PARD3: variants seen among roughly 807,000 people sequenced by gnomAD.
The protein encoded by PARD3 is par-3 family cell polarity regulator, also known as partitioning defective 3 homolog.
Under a neutral mutation model 155.4 loss-of-function variants are expected in PARD3, and 75 were observed. The observed-to-expected ratio is 0.48, with a 90% CI of 0.40 to 0.58. The LOEUF (loss-of-function observed/expected upper bound fraction) is 0.58. Among genes scored for constraint, PARD3 ranks in the 20% least tolerant of loss-of-function variants. The pLI, the probability that PARD3 is intolerant of heterozygous loss-of-function variation, is 0.00. For missense variants in PARD3, 1,642 were observed against 1,721.7 expected, an observed-to-expected ratio of 0.95 and a Z score of 0.82; for synonymous variants, 576 against 610.5, an observed-to-expected ratio of 0.94 and a Z score of 0.83.
At chr10:34,742,046 T>C (rs937072512) in intron 1 of PARD3, among the ~76,000 whole-genome samples, 1 of 152,178 alleles carries the variant, frequency 6.6e-6, no homozygotes, top group African/African-American at 2.4e-5. Context: ...CCTATTTAGT[T>C]TTCAAGGTGT....
At chr10:34,759,738 G>A (rs955270258) in intron 1 of PARD3, among the ~76,000 whole-genome samples, 4 of 152,104 alleles carry the variant, frequency 2.6e-5, no homozygotes, top group Admixed American at 6.6e-5. Flanking sequence ...TGTGTGCTGC[G>A]GTAAAAATAC....
chr10:34,565,393 G>A (rs1026961175), intron 2 of PARD3, among the ~76,000 whole-genome samples: 93 of 147,618 alleles, frequency 6.3e-4, no homozygotes, highest in African/African-American at 2.2e-3. Context: ...TTGGCCTCTC[G>A]AGTAGCTGGG....
chr10:34,754,514 C>T (rs1836467535), intron 1 of PARD3, among the ~76,000 whole-genome samples: 1 of 152,240 alleles, frequency 6.6e-6, no homozygotes, highest in Admixed American at 6.5e-5. Flanking sequence ...TACACACCCA[C>T]ATGGCTACAC....
chr10:34,467,232 T>C (rs899943477), intron 4 of PARD3, among the ~76,000 whole-genome samples: 1 of 151,996 alleles, frequency 6.6e-6, no homozygotes, highest in African/African-American at 2.4e-5. Flanking sequence ...CATTAAAATA[T>C]TGATAATAAA....
chr10:34,391,263 G>C (rs1439249549), intron 7 of PARD3, among the ~76,000 whole-genome samples: 2 of 150,740 alleles, frequency 1.3e-5, no homozygotes, highest in Non-Finnish European at 2.9e-5. Flanking sequence ...AATGCTAACT[G>C]TCCATATTCA....
intron 22 of PARD3, among the ~76,000 whole-genome samples, chr10:34,196,311 C>T (rs1158568488): frequency 6.6e-6 from 1 of 152,070 alleles, no homozygotes; most frequent in Non-Finnish European, 1.5e-5. Context: ...TTGTTAATAC[C>T]CCATCAACTC....
intron 2 of PARD3, among the ~76,000 whole-genome samples, chr10:34,618,701 T>A (rs1158619165): frequency 1.3e-5 from 2 of 152,144 alleles, no homozygotes; most frequent in East Asian, 3.8e-4. Context: ...CTGTTTCCAA[T>A]AGGATTTCCA....
intron 4 of PARD3, among the ~76,000 whole-genome samples, chr10:34,461,157 A>C (rs564593219): frequency 4.5e-4 from 69 of 152,354 alleles, no homozygotes; most frequent in African/African-American, 1.0e-3. Flanking sequence ...GGATGTTTAA[A>C]GTCCTTAGAA....
chr10:34,522,197 C>G (rs561404001), intron 2 of PARD3, among the ~76,000 whole-genome samples: 2 of 152,174 alleles, frequency 1.3e-5, no homozygotes, highest in Non-Finnish European at 2.9e-5. Flanking sequence ...CGCCTGGCTG[C>G]GGCCAGAGAG....
chr10:34,195,215 A>C (rs1274467338), intron 22 of PARD3, among the ~76,000 whole-genome samples: 1 of 152,208 alleles, frequency 6.6e-6, no homozygotes, highest in Non-Finnish European at 1.5e-5. Context: ...ATCTTTTCTA[A>C]TCCTAACTTC....
At position 34,483,541 on chromosome 10, in the gene PARD3, T is replaced by C. The variant is rs568785835; in HGVS notation, c.404-13278A>G. 2.0e-5 allele frequency among the ~76,000 whole-genome samples: 3 copies of C among 151,242 alleles called. No homozygotes were observed. The South Asian group carries it at 6.3e-4, about 32-fold the overall frequency. ...CAGAAAAAAGGGGGGAAGCTTATGC[T>C]ATTGTTATTTATAATATTGCTTTTC... On this transcript the variant is annotated intron_variant, in intron 3 of 24. Transcript: ENST00000374788.
At chr10:34,239,736 G>C (rs1400583456) in intron 22 of PARD3, among the ~76,000 whole-genome samples, 3 of 151,270 alleles carry the variant, frequency 2.0e-5, no homozygotes, top group Non-Finnish European at 4.4e-5. Flanking sequence ...CTAGGAGGTG[G>C]AGTTTGCAGT....
At chr10:34,420,160 C>T (rs572255219) in intron 5 of PARD3, among the ~76,000 whole-genome samples, 4 of 152,138 alleles carry the variant, frequency 2.6e-5, no homozygotes, top group Non-Finnish European at 4.4e-5. Flanking sequence ...CACTATATTG[C>T]CCAGGCTAAA....
intron 3 of PARD3, among the ~76,000 whole-genome samples, chr10:34,490,390 C>CAG (rs57588434): frequency 0.031 from 4,687 of 149,702 alleles, 231 homozygotes; most frequent in African/African-American, 0.11. Context: ...GGGCACATTA[C>CAG]AGAGAGAGAG....
At chr10:34,658,238 A>G (rs1255176091) in intron 2 of PARD3, among the ~76,000 whole-genome samples, 1 of 152,210 alleles carries the variant, frequency 6.6e-6, no homozygotes, top group Admixed American at 6.5e-5. Context: ...ATGTAAAAAT[A>G]AGTACTAGTA....
intron 2 of PARD3, among the ~76,000 whole-genome samples, chr10:34,603,792 C>G (rs1195241825): frequency 6.6e-6 from 1 of 152,168 alleles, no homozygotes; most frequent in East Asian, 1.9e-4. Context: ...GTGGTACTCA[C>G]AGCAAAAAGA....
chr10:34,551,858 C>A (rs897239759), intron 2 of PARD3, among the ~76,000 whole-genome samples: 1 of 152,106 alleles, frequency 6.6e-6, no homozygotes, highest in Non-Finnish European at 1.5e-5. Context: ...GAGAAGCCAC[C>A]AGGATTAGTC....
At chr10:34,435,991 A>C (rs561785848) in intron 5 of PARD3, among the ~76,000 whole-genome samples, 1 of 152,316 alleles carries the variant, frequency 6.6e-6, no homozygotes, top group Admixed American at 6.5e-5. Context: ...CAAAAACAAC[A>C]ACTATCAAAT....
At chr10:34,708,669 C>T (rs2094404904) in intron 1 of PARD3, among the ~76,000 whole-genome samples, 1 of 151,870 alleles carries the variant, frequency 6.6e-6, no homozygotes, top group Non-Finnish European at 1.5e-5. Context: ...CTAAAGTGTA[C>T]ATTAGAAATT....
Sources: gnomAD v4.1 joint callset for allele counts (sites outside exome capture counted in the v4.1 genomes callset) on GRCh38, gnomAD v4.1.1 for gene constraint, MANE v1.5 for transcripts, NCBI Gene and HGNC (gene_info 2026-07-23, HGNC 2026-07-21) for gene names.